RNLS: variants seen among roughly 807,000 people sequenced by gnomAD.
RNLS encodes the protein renalase, FAD dependent amine oxidase.
In RNLS, 39 loss-of-function variants were observed where a neutral mutation model predicts 39.8. That is an observed-to-expected ratio of 0.98 (90% CI 0.76 to 1.28). The LOEUF is 1.28. Among genes scored for constraint, RNLS ranks in the 50% most tolerant of loss-of-function variants. The pLI is 0.00. For synonymous variants in RNLS, 147 were observed against 150.7 expected (o/e 0.98, Z 0.18); for missense variants, 410 against 413.3 (o/e 0.99, Z 0.07).
At chr10:88,383,631 C>T (rs1242236136) in intron 4 of RNLS, among the ~76,000 whole-genome samples, 3 of 152,030 alleles carry the variant, frequency 2.0e-5, no homozygotes, top group African/African-American at 4.8e-5. Flanking sequence ...TTTCAAAATC[C>T]ATTTAACTGT....
At chr10:88,275,820 TGAGGC>T (rs1842792567) in intron 6 of RNLS, among the ~76,000 whole-genome samples, 2 of 152,106 alleles carry the variant, frequency 1.3e-5, no homozygotes, top group South Asian at 2.1e-4. Context: ...TTTGGGAGGC[TGAGGC>T]AAGAAGATCA....
chr10:88,202,750 AT>A, the RNLS span, among the ~76,000 whole-genome samples: 1 of 152,170 alleles, frequency 6.6e-6, no homozygotes, highest in Admixed American at 6.5e-5. Flanking sequence ...TTCCTGCATT[AT>A]TTGCCTCTTG....
At chr10:88,547,429 C>T (rs1402739784) in intron 4 of RNLS, among the ~76,000 whole-genome samples, 1 of 152,210 alleles carries the variant, frequency 6.6e-6, no homozygotes, top group Non-Finnish European at 1.5e-5. Context: ...TACTAATATA[C>T]ATATCTTTGC....
At chr10:88,265,945 G>A in the RNLS span, among the ~76,000 whole-genome samples, 10 of 152,070 alleles carry the variant, frequency 6.6e-5, no homozygotes, top group Non-Finnish European at 1.2e-4. Context: ...ACTTTTCTCC[G>A]AATTCCTTTC....
At chr10:88,296,354 C>T (rs1844098470) in intron 6 of RNLS, among the ~76,000 whole-genome samples, 1 of 152,098 alleles carries the variant, frequency 6.6e-6, no homozygotes, top group Admixed American at 6.6e-5. Flanking sequence ...TGTAGGTTGA[C>T]AGCTGGTTAA....
chr10:88,529,724 C>T (rs1237721157), intron 4 of RNLS, among the ~76,000 whole-genome samples: 1 of 152,102 alleles, frequency 6.6e-6, no homozygotes, highest in Non-Finnish European at 1.5e-5. Context: ...TGAAACATTC[C>T]AAACATATGA....
At chr10:88,354,159 C>T (rs1298449889) in intron 5 of RNLS, among the ~76,000 whole-genome samples, 1 of 152,190 alleles carries the variant, frequency 6.6e-6, no homozygotes, top group African/African-American at 2.4e-5. Flanking sequence ...TGGGTCTTGA[C>T]TCTTTATCCA....
At chr10:88,276,928 T>G (rs550819283) in intron 6 of RNLS, among the ~76,000 whole-genome samples, 44 of 152,296 alleles carry the variant, frequency 2.9e-4, no homozygotes, top group Non-Finnish European at 4.3e-4. Context: ...AAAATGTCAC[T>G]CCATAAAATT....
intron 4 of RNLS, among the ~76,000 whole-genome samples, chr10:88,481,334 T>C (rs1844157533): frequency 6.6e-6 from 1 of 152,210 alleles, no homozygotes; most frequent in South Asian, 2.1e-4. Context: ...GGACTTACAT[T>C]TTCCATTTTG....
intron 4 of RNLS, among the ~76,000 whole-genome samples, chr10:88,493,970 A>G (rs1845025838): frequency 6.6e-6 from 1 of 152,190 alleles, no homozygotes; most frequent in Non-Finnish European, 1.5e-5. Context: ...TGGCTCTAAA[A>G]TTAAACTAAA....
chr10:88,475,065 C>T (rs1264589614), intron 4 of RNLS, among the ~76,000 whole-genome samples: 1 of 152,070 alleles, frequency 6.6e-6, no homozygotes, highest in Non-Finnish European at 1.5e-5. Context: ...GGCTGAGATC[C>T]AAGAAGATAG....
At chr10:88,268,358 G>A in the RNLS span, among the ~76,000 whole-genome samples, 1 of 152,062 alleles carries the variant, frequency 6.6e-6, no homozygotes, top group Non-Finnish European at 1.5e-5. Flanking sequence ...TATATTTCCC[G>A]ATGCCCTCCT....
intron 4 of RNLS, chr10:88,545,396 C>T: frequency 2.2e-6 from 1 of 453,348 alleles, no homozygotes; most frequent in Non-Finnish European, 4.4e-6. Flanking sequence ...CACAGTTCCA[C>T]ATGCTGGAAA....
chr10:88,476,296 T>C (rs1470979652), intron 4 of RNLS, among the ~76,000 whole-genome samples: 2 of 152,290 alleles, frequency 1.3e-5, no homozygotes, highest in East Asian at 1.9e-4. Flanking sequence ...AGATTTTTGT[T>C]AAATACAAAA....
At chr10:88,510,603 G>A (rs1189431666) in intron 4 of RNLS, among the ~76,000 whole-genome samples, 1 of 152,016 alleles carries the variant, frequency 6.6e-6, no homozygotes, top group Non-Finnish European at 1.5e-5. Context: ...TTTACACTTT[G>A]GGAGGCCGAG....
chr10:88,198,043 T>C, the RNLS span, among the ~76,000 whole-genome samples: 259 of 152,310 alleles, frequency 1.7e-3, 2 homozygotes, highest in African/African-American at 5.8e-3. Flanking sequence ...GCAAGAAAAC[T>C]GAAGTTCACA....
intron 4 of RNLS, among the ~76,000 whole-genome samples, chr10:88,562,117 G>T (rs1849228351): frequency 6.6e-6 from 1 of 152,138 alleles, no homozygotes; most frequent in Non-Finnish European, 1.5e-5. Flanking sequence ...TTTTTGGAAG[G>T]TAATATGGCA....
rs142749544 is a variant in RNLS at position 88,452,580 on chromosome 10, T to C, written c.527-89855A>G. Among the ~76,000 whole-genome samples the C allele has an allele frequency of 1.7e-3, 257 of 152,276 alleles. 1 individual carries two copies. The highest frequency in any genetic ancestry group is 5.8e-3 in the African/African-American group (243 of 41,546). The stretch of plus-strand genomic sequence containing the variant: ...GATCCCACTTATCATCACTCCTAAG[T>C]GACCCACAGCTGTTCCTACAACTCT... On this transcript the variant is annotated intron_variant, in intron 4 of 6. Transcript: ENST00000331772.
chr10:88,393,430 C>A (rs945059344), intron 4 of RNLS, among the ~76,000 whole-genome samples: 5 of 152,030 alleles, frequency 3.3e-5, no homozygotes, highest in Non-Finnish European at 7.4e-5. Flanking sequence ...CATGAGTGAA[C>A]TCCCATTCAC....
Sources: gnomAD v4.1 joint callset for allele counts (sites outside exome capture counted in the v4.1 genomes callset) on GRCh38, gnomAD v4.1.1 for gene constraint, MANE v1.5 for transcripts, NCBI Gene and HGNC (gene_info 2026-07-23, HGNC 2026-07-21) for gene names.